Variants in SORT1 observed in about 807,000 individuals in gnomAD.
SORT1 encodes the protein sortilin 1.
In SORT1, 39 loss-of-function variants were observed where a neutral mutation model predicts 101.7. The observed-to-expected ratio is 0.38, with a 90% CI of 0.30 to 0.50. The LOEUF is 0.50. SORT1 is among the 20% of genes least tolerant of loss of function. SORT1 has a pLI of 0.90. For missense variants in SORT1, 878 were observed against 1,040.4 expected (o/e 0.84, Z 2.15); for synonymous variants, 396 against 393.7 (o/e 1.01, Z -0.07).
chr1:109,374,763 A>G (rs1651714060), intron 1 of SORT1, among the ~76,000 whole-genome samples: 2 of 152,144 alleles, frequency 1.3e-5, no homozygotes, highest in African/African-American at 2.4e-5. Flanking sequence ...GTTTGAGACC[A>G]GCCTCACCAA....
intron 1 of SORT1, among the ~76,000 whole-genome samples, chr1:109,378,698 TGATATATATA>T (rs1428084040): frequency 1.1e-3 from 66 of 62,158 alleles, no homozygotes; most frequent in African/African-American, 3.9e-3. Context: ...GTAGAGTGAA[TGATATATATA>T]TATATATATA....
chr1:109,394,721 T>A (rs949304522), intron 1 of SORT1, among the ~76,000 whole-genome samples: 1 of 152,176 alleles, frequency 6.6e-6, no homozygotes, highest in African/African-American at 2.4e-5. Context: ...CTAGCACAGA[T>A]CTAGGCATTT....
At chr1:109,347,396 C>G in intron 7 of SORT1, 87 bp downstream of exon 7, 4 of 867,234 alleles carry the variant, frequency 4.6e-6, no homozygotes, top group South Asian at 3.0e-5. Flanking sequence ...ATGGAGGGAC[C>G]TTTTATGTTT....
chr1:109,326,558 T>TACAC (rs375131395), intron 13 of SORT1, among the ~76,000 whole-genome samples: 3 of 145,016 alleles, frequency 2.1e-5, no homozygotes, highest in African/African-American at 7.7e-5. Context: ...CACATATATA[T>TACAC]ACACACACAC....
chr1:109,324,125 T>C (rs1271739112), intron 14 of SORT1, among the ~76,000 whole-genome samples: 1 of 93,886 alleles, frequency 1.1e-5, no homozygotes, highest in Non-Finnish European at 2.3e-5. Flanking sequence ...TGTTTTTCTT[T>C]ATCCCCCTTC....
intron 11 of SORT1, among the ~76,000 whole-genome samples, chr1:109,328,673 C>T (rs977639835): frequency 3.9e-5 from 6 of 152,168 alleles, no homozygotes; most frequent in Admixed American, 6.5e-5. Context: ...AACCTGTCTC[C>T]GTTTATTTTA....
At position 109,397,639 on chromosome 1, in the gene SORT1, T is replaced by G; in HGVS notation, c.254A>C (p.Glu85Ala). The change falls in exon 1 of 20, where the codon GAG becomes GCG. Residue 85 changes from glutamate to alanine, a missense_variant. Glu to Ala is a moderately radical substitution (Grantham distance 107). This residue lies in a region of SORT1 where 194 missense variants were observed against 145.9 expected (regional missense o/e 1.33). Transcript: ENST00000256637. ...WRRSAPGEDE[E>A]CGRVRDFVAK... ...GACGAAGTCCCGGACCCGGCCGCAC[T>G]CCTCGTCCTCGCCCGGCGCGCTGCG... 7.9e-7 allele frequency: 1 copy of G among 1,262,488 alleles called. No individual in the cohort carries two copies. The highest frequency in any genetic ancestry group is 1.0e-6 in the Non-Finnish European group (1 of 992,450). 78.2% of individuals were successfully genotyped at this position (1,262,488 alleles called of 1,614,324 possible).
intron 14 of SORT1, 57 bp downstream of exon 14, chr1:109,324,842 T>A: frequency 8.5e-7 from 1 of 1,175,448 alleles, no homozygotes; most frequent in Non-Finnish European, 1.2e-6. Flanking sequence ...CCATATTGAT[T>A]ATTTAGGAAA....
rs536600711 is a variant in SORT1 at position 109,388,385 on chromosome 1, T to C, written c.306+9202A>G. Among the ~76,000 whole-genome samples, 120 of 151,508 alleles carry C rather than the reference T, an allele frequency of 7.9e-4. 1 individual carries two copies. Among genetic ancestry groups the C allele is most frequent in the African/African-American group, 2.8e-3 (115 of 41,284 alleles). On this transcript the variant is annotated intron_variant, in intron 1 of 19. Transcript: ENST00000256637. Reference sequence around the variant, plus strand: ...TCTTGTGTGGCTAGGGCTACCGGCATATGCTACCATACCAGGCTAATTAAA... The same window carrying C: ...TCTTGTGTGGCTAGGGCTACCGGCACATGCTACCATACCAGGCTAATTAAA...
At chr1:109,343,978 C>T (rs1649412301) in intron 8 of SORT1, among the ~76,000 whole-genome samples, 3 of 152,192 alleles carry the variant, frequency 2.0e-5, no homozygotes, top group Non-Finnish European at 4.4e-5. Flanking sequence ...TTTTCTCCCA[C>T]AACCTGCTCC....
In SORT1 at chr1:109,360,912, T is replaced by C. The variant is rs201221910; in HGVS notation, c.441-5443A>G. On this transcript the variant is annotated intron_variant, in intron 3 of 19. Coordinates refer to ENST00000256637, the MANE Select transcript of SORT1 (RefSeq NM_002959.7). ...TTACACATACGCAACTGAATAGCTC[T>C]GTGGTCCTTGAAATCTGAAAGCCTT... Among the ~76,000 whole-genome samples the C allele has an allele frequency of 2.6e-5, 4 of 152,232 alleles. No individual in the cohort carries two copies. In the East Asian group the frequency reaches 7.7e-4, roughly 29 times the overall value.
Position 109,378,169 on chromosome 1 carries a change from C to T in SORT1, c.307-8580G>A, listed in dbSNP as rs533265463. Among the ~76,000 whole-genome samples, 3 of 151,984 alleles carry T rather than the reference C, an allele frequency of 2.0e-5. No individual in the cohort carries two copies. The South Asian group carries it at 6.2e-4, about 31-fold the overall frequency. ...GGAGGATCACTTGAGCCCAGGAATT[C>T]GAAGCTGCAGTAAGCTATGATCATG... On this transcript the variant is annotated intron_variant, in intron 1 of 19. Transcript: ENST00000256637.
chr1:109,385,899 C>G (rs2101653071), intron 1 of SORT1, among the ~76,000 whole-genome samples: 1 of 152,186 alleles, frequency 6.6e-6, no homozygotes, highest in East Asian at 1.9e-4. Flanking sequence ...TCATTTAGTG[C>G]CATTTTCTCT....
intron 10 of SORT1, among the ~76,000 whole-genome samples, chr1:109,338,794 G>A (rs890217111): frequency 6.6e-6 from 1 of 151,980 alleles, no homozygotes; most frequent in South Asian, 2.1e-4. Context: ...GTCTGTCCCT[G>A]CTGGACTGTC....
Position 109,350,973 on chromosome 1 carries a change from C to T in SORT1, c.738G>A (p.Gly246=), listed in dbSNP as rs1008455662. The part of the protein sequence containing the change: ...ENGLWVSKNF[G]GKWEEIHKAV... ...CTTTGTGGATTTCTTCCCATTTTCC[C>T]CCAAAATTCTTGGACACCCACAGGC... The change falls in exon 6 of 20, where the codon GGG becomes GGA. Residue 246 remains glycine (G), a synonymous_variant. Coordinates refer to ENST00000256637, the MANE Select transcript of SORT1 (RefSeq NM_002959.7). 2 of 1,612,788 alleles carry T rather than the reference C, an allele frequency of 1.2e-6. No homozygotes were observed. The highest frequency in any genetic ancestry group is 1.7e-6 in the Non-Finnish European group (2 of 1,178,878).
intron 8 of SORT1, 29 bp downstream of exon 8, chr1:109,345,722 G>T: frequency 6.3e-7 from 1 of 1,581,362 alleles, no homozygotes; most frequent in South Asian, 1.2e-5. Context: ...AGAAATATCA[G>T]ACCCCAAAGG....
intron 11 of SORT1, among the ~76,000 whole-genome samples, chr1:109,334,607 T>C (rs1015344309): frequency 1.3e-5 from 2 of 152,164 alleles, no homozygotes; most frequent in African/African-American, 4.8e-5. Flanking sequence ...AAAATATACA[T>C]GGTGACTACA....
At chr1:109,340,982 C>G in intron 9 of SORT1, 103 bp from the exon 10 acceptor site, 2 of 842,930 alleles carry the variant, frequency 2.4e-6, no homozygotes, top group Non-Finnish European at 3.7e-6. Flanking sequence ...AACACAGTAG[C>G]CAATTGTGTC....
At chr1:109,314,117 C>T in intron 19 of SORT1, 60 bp from the exon 20 acceptor site, 2 of 1,611,608 alleles carry the variant, frequency 1.2e-6, no homozygotes, top group Middle Eastern at 1.7e-4. Context: ...CAAAAGCAAT[C>T]ACCTAGTTTC....
Sources: gnomAD v4.1 joint callset for allele counts (sites outside exome capture counted in the v4.1 genomes callset) on GRCh38, gnomAD v4.1.1 for gene constraint, gnomAD v4.1.1 regional missense constraint, MANE v1.5 for transcripts, NCBI Gene and HGNC (gene_info 2026-07-23, HGNC 2026-07-21) for gene names.